The following ZNF532 variants were observed in gnomAD, a reference collection of about 807,000 sequenced individuals.
ZNF532 encodes the protein zinc finger protein 532.
ZNF532 carries 22 observed loss-of-function variants against 89.3 expected under a neutral mutation model. The ratio of observed to expected loss-of-function variants is 0.25; its 90% CI spans 0.18 to 0.35. ZNF532 has a LOEUF of 0.35. Ranked by LOEUF, ZNF532 falls within the 10% of genes least tolerant of loss-of-function variation. ZNF532 has a pLI of 1.00. For synonymous variants in ZNF532, 606 were observed against 649.6 expected (o/e 0.93, Z 1.02); for missense variants, 1,132 against 1,643.4 (o/e 0.69, Z 5.38).
intron 2 of ZNF532, among the ~76,000 whole-genome samples, chr18:58,881,888 C>T (rs901866047): frequency 6.6e-6 from 1 of 152,172 alleles, no homozygotes; most frequent in Non-Finnish European, 1.5e-5. Flanking sequence ...CTATGTGTGC[C>T]TACTTGTGTG....
intron 2 of ZNF532, among the ~76,000 whole-genome samples, chr18:58,876,647 AC>A (rs1248918336): frequency 7.2e-5 from 11 of 152,152 alleles, no homozygotes; most frequent in African/African-American, 2.7e-4. Flanking sequence ...GATCCCTTTG[AC>A]ACTTGTAGTC....
intron 2 of ZNF532, among the ~76,000 whole-genome samples, chr18:58,868,963 T>TA (rs1338873443): frequency 6.6e-6 from 1 of 152,230 alleles, no homozygotes; most frequent in Non-Finnish European, 1.5e-5. Flanking sequence ...TCCTAGGTTG[T>TA]AAACCTATAC....
chr18:58,887,714 A>G (rs2058401083), intron 2 of ZNF532, among the ~76,000 whole-genome samples: 1 of 152,292 alleles, frequency 6.6e-6, no homozygotes, highest in East Asian at 1.9e-4. Flanking sequence ...AGGGACCGTC[A>G]TGCAGGACTA....
At chr18:58,888,715 A>ATATATAAAT (rs1568244669) in intron 2 of ZNF532, among the ~76,000 whole-genome samples, 37 of 46,732 alleles carry the variant, frequency 7.9e-4, no homozygotes, top group African/African-American at 2.2e-3. Context: ...ATATATATAT[A>ATATATAAAT]TATATATATA....
At chr18:58,932,075 A>G (rs1289124412) in intron 3 of ZNF532, among the ~76,000 whole-genome samples, 9 of 152,236 alleles carry the variant, frequency 5.9e-5, no homozygotes, top group Non-Finnish European at 1.5e-5. Context: ...ACTAAAGGCA[A>G]GGTCTCTAGT....
chr18:58,962,824 A>G (rs973345673), intron 7 of ZNF532, among the ~76,000 whole-genome samples: 3 of 152,004 alleles, frequency 2.0e-5, no homozygotes, highest in Admixed American at 1.3e-4. Flanking sequence ...GATGGTCTCG[A>G]TCTTCTGACC....
intron 2 of ZNF532, among the ~76,000 whole-genome samples, chr18:58,907,187 GT>G (rs1438823356): frequency 2.0e-5 from 3 of 152,012 alleles, no homozygotes; most frequent in African/African-American, 7.2e-5. Flanking sequence ...TGAGTTTTTT[GT>G]TTGTTTGTTT....
intron 2 of ZNF532, among the ~76,000 whole-genome samples, chr18:58,911,966 G>A (rs2060309929): frequency 6.6e-6 from 1 of 152,152 alleles, no homozygotes; most frequent in African/African-American, 2.4e-5. Flanking sequence ...TTCAGAGAAG[G>A]CTGAGGTTTG....
chr18:58,982,677 A>G (rs1375182512), intron 9 of ZNF532, among the ~76,000 whole-genome samples: 2 of 152,222 alleles, frequency 1.3e-5, no homozygotes, highest in Non-Finnish European at 2.9e-5. Flanking sequence ...CTTCGGTGCT[A>G]TGCTAGATCT....
intron 2 of ZNF532, among the ~76,000 whole-genome samples, chr18:58,895,142 G>A (rs969694083): frequency 2.0e-5 from 3 of 152,194 alleles, no homozygotes; most frequent in Non-Finnish European, 4.4e-5. Context: ...ACCTAAATCG[G>A]CTTGCCCAAC....
chr18:58,930,514 G>A (rs1344159809), intron 3 of ZNF532, among the ~76,000 whole-genome samples: 1 of 151,762 alleles, frequency 6.6e-6, no homozygotes, highest in Non-Finnish European at 1.5e-5. Flanking sequence ...TGCAGTCCCA[G>A]CTACTTGGGA....
chr18:58,892,885 T>C (rs1306776104), intron 2 of ZNF532, among the ~76,000 whole-genome samples: 1 of 152,094 alleles, frequency 6.6e-6, no homozygotes, highest in Non-Finnish European at 1.5e-5. Flanking sequence ...GTTTCTGTAG[T>C]ACTCTGCAAA....
In ZNF532 at chr18:58,882,913, T is replaced by C. The variant is rs537945979; in HGVS notation, c.-18+17334T>C. 5.9e-5 allele frequency among the ~76,000 whole-genome samples: 9 copies of C among 152,076 alleles called. No homozygotes were observed. In the South Asian group the frequency reaches 1.9e-3, roughly 32 times the overall value. ...AGCTCTGGAAAGTTCTGAGAAGCCTTGAGAAAAGAAATCAGGCTGTGTGTG... is the reference window on the plus strand; with the variant it reads ...AGCTCTGGAAAGTTCTGAGAAGCCTCGAGAAAAGAAATCAGGCTGTGTGTG... On this transcript the variant is annotated intron_variant, in intron 2 of 9. Coordinates refer to ENST00000591808, the MANE Select transcript of ZNF532 (RefSeq NM_001375912.1).
chr18:58,970,858 C>T lies in ZNF532; in HGVS notation c.3151-8197C>T, dbSNP rs116596768. ...AGGCATGTACCCCTGGTAGCCCCAC[C>T]GTGCCCTGGCAGGCATTTCTGGGTT... On this transcript the variant is annotated intron_variant, in intron 7 of 9. Coordinates refer to ENST00000591808, the MANE Select transcript of ZNF532 (RefSeq NM_001375912.1). Among the ~76,000 whole-genome samples the T allele has an allele frequency of 2.2e-3, 339 of 152,296 alleles. 1 individual carries two copies. The highest frequency in any genetic ancestry group is 0.011 in the Admixed American group (162 of 15,298).
At chr18:58,921,413 T>C (rs572337511) in intron 3 of ZNF532, among the ~76,000 whole-genome samples, 1 of 152,370 alleles carries the variant, frequency 6.6e-6, no homozygotes, top group Non-Finnish European at 1.5e-5. Flanking sequence ...TTTATAATGC[T>C]GATCTTACTT....
intron 2 of ZNF532, among the ~76,000 whole-genome samples, chr18:58,893,850 A>G (rs1463127425): frequency 6.6e-6 from 1 of 152,174 alleles, no homozygotes. Context: ...AGCAGTGGTT[A>G]CATGGGGGTA....
chr18:58,954,801 C>T (rs2064598178), intron 7 of ZNF532, among the ~76,000 whole-genome samples: 1 of 151,002 alleles, frequency 6.6e-6, no homozygotes, highest in African/African-American at 2.4e-5. Context: ...CAATCTCTAC[C>T]TCCTGGGTTC....
At chr18:58,934,644 A>G in intron 4 of ZNF532, 30 bp downstream of exon 4, 1 of 1,597,090 alleles carries the variant, frequency 6.3e-7, no homozygotes, top group Non-Finnish European at 8.5e-7. Flanking sequence ...ATGTGCAAGT[A>G]AAACTCGTTC....
At chr18:58,898,483 C>G (rs2059388061) in intron 2 of ZNF532, among the ~76,000 whole-genome samples, 1 of 152,202 alleles carries the variant, frequency 6.6e-6, no homozygotes, top group Non-Finnish European at 1.5e-5. Flanking sequence ...TGTCTATGGC[C>G]TGGCCCCTGT....
Sources: allele counts gnomAD v4.1 joint callset (sites outside exome capture counted in the v4.1 genomes callset), GRCh38; gene constraint gnomAD v4.1.1; transcripts MANE v1.5; gene names NCBI Gene and HGNC (gene_info 2026-07-23, HGNC 2026-07-21).